The following CHRM3 variants were observed in gnomAD, a reference collection of about 807,000 sequenced individuals.
The protein encoded by CHRM3 is muscarinic acetylcholine receptor M3.
In CHRM3, 11 loss-of-function variants were observed where a neutral mutation model predicts 41.8. The observed-to-expected ratio is 0.26, with a 90% CI of 0.17 to 0.44. The LOEUF (loss-of-function observed/expected upper bound fraction) is 0.44. Among genes scored for constraint, CHRM3 ranks in the 20% least tolerant of loss-of-function variants. The pLI is 1.00. For missense variants in CHRM3, 571 were observed against 745.4 expected, an observed-to-expected ratio of 0.77 and a Z score of 2.72; for synonymous variants, 297 against 301.4, an observed-to-expected ratio of 0.99 and a Z score of 0.15.
chr1:239,535,769 G>A (rs569657383), intron 2 of CHRM3, among the ~76,000 whole-genome samples: 2 of 152,082 alleles, frequency 1.3e-5, no homozygotes, highest in Non-Finnish European at 1.5e-5. Context: ...CTAGGATCAA[G>A]GAGACAACAT....
chr1:239,885,497 A>G (rs1677990290), intron 6 of CHRM3, among the ~76,000 whole-genome samples: 1 of 152,176 alleles, frequency 6.6e-6, no homozygotes, highest in Non-Finnish European at 1.5e-5. Flanking sequence ...GCTTTTTGAC[A>G]GATATTTGGG....
chr1:239,769,872 C>A (rs1667521835), intron 5 of CHRM3, among the ~76,000 whole-genome samples: 1 of 151,232 alleles, frequency 6.6e-6, no homozygotes, highest in Non-Finnish European at 1.5e-5. Flanking sequence ...CAGAGCTAGA[C>A]TCTGTCTCAA....
At chr1:239,538,454 G>A (rs1658420725) in intron 2 of CHRM3, among the ~76,000 whole-genome samples, 1 of 152,128 alleles carries the variant, frequency 6.6e-6, no homozygotes, top group African/African-American at 2.4e-5. Context: ...TCTGATTCTT[G>A]AGAGGACTCT....
chr1:239,684,746 AAG>A (rs753473666), intron 5 of CHRM3, among the ~76,000 whole-genome samples: 1,538 of 112,070 alleles, frequency 0.014, 28 homozygotes, highest in African/African-American at 0.056. Context: ...GAGAGAAAGA[AAG>A]AGAAAGAAAG....
intron 1 of CHRM3, among the ~76,000 whole-genome samples, chr1:239,423,428 C>G (rs1459969572): frequency 6.6e-6 from 1 of 152,194 alleles, no homozygotes; most frequent in African/African-American, 2.4e-5. Flanking sequence ...TGTCTATTAA[C>G]CACTTACTGT....
intron 1 of CHRM3, among the ~76,000 whole-genome samples, chr1:239,393,326 A>C (rs1558186716): frequency 6.6e-6 from 1 of 152,182 alleles, no homozygotes; most frequent in Non-Finnish European, 1.5e-5. Context: ...GTGATTTTTC[A>C]ATTTTCTTAG....
chr1:239,618,579 T>G (rs1260262359), intron 3 of CHRM3, among the ~76,000 whole-genome samples: 1 of 151,884 alleles, frequency 6.6e-6, no homozygotes, highest in South Asian at 2.1e-4. Flanking sequence ...GCGCGGTGGC[T>G]CACGCCTGTA....
chr1:239,455,836 AG>A (rs1390027777), intron 1 of CHRM3, among the ~76,000 whole-genome samples: 1 of 152,240 alleles, frequency 6.6e-6, no homozygotes, highest in African/African-American at 2.4e-5. Flanking sequence ...GTGTTTATAA[AG>A]TCTCCAGGAT....
chr1:239,671,280 C>T (rs753628131), intron 4 of CHRM3, among the ~76,000 whole-genome samples: 31 of 152,148 alleles, frequency 2.0e-4, no homozygotes, highest in Non-Finnish European at 4.1e-4. Flanking sequence ...GAAATTTCTT[C>T]AAAATAAAAA....
intron 1 of CHRM3, chr1:239,408,110 C>T (rs1660753953): frequency 6.6e-6 from 1 of 152,118 alleles, no homozygotes; most frequent in African/African-American, 2.4e-5. Flanking sequence ...TGGTTACCTC[C>T]ATGCTGTTCT....
At chr1:239,659,020 G>A (rs115092473) in intron 4 of CHRM3, among the ~76,000 whole-genome samples, 1,939 of 152,202 alleles carry the variant, frequency 0.013, 55 homozygotes, top group African/African-American at 0.045. Context: ...TTATAGGTGC[G>A]AGCCACTTGC....
intron 5 of CHRM3, among the ~76,000 whole-genome samples, chr1:239,751,617 A>G (rs1365180218): frequency 2.0e-5 from 3 of 152,176 alleles, no homozygotes; most frequent in Non-Finnish European, 2.9e-5. Flanking sequence ...GCTAACTGCT[A>G]ATTTATGTAA....
chr1:239,836,488 A>G (rs1187528214), intron 6 of CHRM3, among the ~76,000 whole-genome samples: 2 of 152,088 alleles, frequency 1.3e-5, no homozygotes, highest in Admixed American at 1.3e-4. Context: ...TTGGTTGTGG[A>G]GCTGCAGCAG....
intron 1 of CHRM3, among the ~76,000 whole-genome samples, chr1:239,418,760 G>T (rs1416190656): frequency 2.0e-5 from 3 of 152,098 alleles, no homozygotes; most frequent in Non-Finnish European, 2.9e-5. Flanking sequence ...TATTGATATT[G>T]CAGTGGGACA....
chr1:239,737,566 C>A (rs1469230082), intron 5 of CHRM3, among the ~76,000 whole-genome samples: 2 of 152,174 alleles, frequency 1.3e-5, no homozygotes, highest in Non-Finnish European at 2.9e-5. Context: ...GCTTTTACAA[C>A]ATCCTCTGCT....
intron 5 of CHRM3, among the ~76,000 whole-genome samples, chr1:239,821,376 G>A (rs1558152586): frequency 6.6e-6 from 1 of 152,140 alleles, no homozygotes; most frequent in South Asian, 2.1e-4. Flanking sequence ...ACAAGGCAGG[G>A]CAAAACCACC....
chr1:239,560,408 C>T (rs1660743602), intron 3 of CHRM3, among the ~76,000 whole-genome samples: 1 of 152,052 alleles, frequency 6.6e-6, no homozygotes, highest in Non-Finnish European at 1.5e-5. Flanking sequence ...AATCTCACCA[C>T]TGAAAAACTC....
chr1:239,511,930 T>G (rs554229199), intron 2 of CHRM3, among the ~76,000 whole-genome samples: 1 of 152,252 alleles, frequency 6.6e-6, no homozygotes, highest in African/African-American at 2.4e-5. Context: ...ATTCACTTGT[T>G]TAAAAAGAGG....
intron 3 of CHRM3, among the ~76,000 whole-genome samples, chr1:239,561,013 TTTA>T (rs1660805488): frequency 1.3e-5 from 2 of 152,148 alleles, no homozygotes; most frequent in African/African-American, 4.8e-5. Flanking sequence ...CTTAGTCGGT[TTTA>T]TTGAATCAGT....
Sources: allele counts gnomAD v4.1 joint callset (sites outside exome capture counted in the v4.1 genomes callset), GRCh38; gene constraint gnomAD v4.1.1; transcripts MANE v1.5; gene names NCBI Gene and HGNC (gene_info 2026-07-23, HGNC 2026-07-21).